Variants in QTMAN observed in about 807,000 individuals in gnomAD.
QTMAN encodes tRNA-queuosine alpha-mannosyltransferase.
the QTMAN span, among the ~76,000 whole-genome samples, chr2:144,191,673 C>A: frequency 1.3e-5 from 2 of 152,166 alleles, no homozygotes; most frequent in Non-Finnish European, 2.9e-5. Flanking sequence ...AAGACAAAGT[C>A]TCTGCCCTCA....
At chr2:144,074,224 A>T in the QTMAN span, among the ~76,000 whole-genome samples, 1 of 152,214 alleles carries the variant, frequency 6.6e-6, no homozygotes, top group Non-Finnish European at 1.5e-5. Flanking sequence ...AGCAGGGTTG[A>T]GAAGGAGGGG....
At chr2:144,274,341 C>T in the QTMAN span, among the ~76,000 whole-genome samples, 1 of 152,120 alleles carries the variant, frequency 6.6e-6, no homozygotes, top group African/African-American at 2.4e-5. Flanking sequence ...CTTGGAATTT[C>T]CTGTGTGATA....
chr2:143,974,874 T>C, the QTMAN span, among the ~76,000 whole-genome samples: 5 of 152,342 alleles, frequency 3.3e-5, no homozygotes, highest in Non-Finnish European at 5.9e-5. Flanking sequence ...TAATTCCTTC[T>C]TTCCTATAAT....
the QTMAN span, among the ~76,000 whole-genome samples, chr2:144,207,843 A>AATT: frequency 2.0e-4 from 30 of 151,494 alleles, no homozygotes; most frequent in African/African-American, 6.0e-4. Context: ...TTATTTTCTA[A>AATT]ATTATTATTA....
the QTMAN span, among the ~76,000 whole-genome samples, chr2:144,020,228 G>T: frequency 6.6e-6 from 1 of 152,164 alleles, no homozygotes; most frequent in Non-Finnish European, 1.5e-5. Flanking sequence ...ATGGACCTAG[G>T]TGAAGACAGG....
At chr2:144,053,151 A>C in the QTMAN span, among the ~76,000 whole-genome samples, 1 of 152,256 alleles carries the variant, frequency 6.6e-6, no homozygotes, top group Non-Finnish European at 1.5e-5. Flanking sequence ...TTTAAAAAGA[A>C]ATGAAATAAA....
the QTMAN span, among the ~76,000 whole-genome samples, chr2:144,169,621 G>A: frequency 2.6e-5 from 4 of 151,888 alleles, no homozygotes; most frequent in South Asian, 8.3e-4. Context: ...AAATATCTGT[G>A]TTCTTATACT....
At chr2:144,204,807 G>A in the QTMAN span, among the ~76,000 whole-genome samples, 1 of 152,112 alleles carries the variant, frequency 6.6e-6, no homozygotes, top group Non-Finnish European at 1.5e-5. Context: ...GGAATACTAT[G>A]CAGCCATAAA....
chr2:144,182,840 T>TTATATATATAATATATATATAA, the QTMAN span, among the ~76,000 whole-genome samples: 8 of 64,512 alleles, frequency 1.2e-4, no homozygotes, highest in South Asian at 3.6e-4. Flanking sequence ...TATATATATA[T>TTATATATATAATATATATATAA]TATATATATA....
the QTMAN span, among the ~76,000 whole-genome samples, chr2:144,199,432 T>C: frequency 5.3e-5 from 8 of 152,280 alleles, no homozygotes; most frequent in East Asian, 1.2e-3. Context: ...CATGAGTATA[T>C]AGTATACATA....
At chr2:144,177,055 T>C in the QTMAN span, 2 of 664,152 alleles carry the variant, frequency 3.0e-6, no homozygotes, top group Non-Finnish European at 5.4e-6. Flanking sequence ...ACAGCCAGAT[T>C]TCATAAGAAT....
At chr2:144,073,684 C>T in the QTMAN span, among the ~76,000 whole-genome samples, 1 of 152,148 alleles carries the variant, frequency 6.6e-6, no homozygotes, top group Admixed American at 6.5e-5. Context: ...AGCTAAATAA[C>T]GGTTCAAAAG....
the QTMAN span, among the ~76,000 whole-genome samples, chr2:143,987,736 AG>A: frequency 6.6e-6 from 1 of 152,226 alleles, no homozygotes; most frequent in African/African-American, 2.4e-5. Flanking sequence ...CGCTTAAGGT[AG>A]GGTTATTAAA....
the QTMAN span, among the ~76,000 whole-genome samples, chr2:144,200,501 ACAATAAC>A: frequency 6.6e-6 from 1 of 152,246 alleles, no homozygotes; most frequent in Non-Finnish European, 1.5e-5. Context: ...AAATACACGA[ACAATAAC>A]AATAGCTGAT....
the QTMAN span, among the ~76,000 whole-genome samples, chr2:143,995,516 C>G: frequency 6.6e-6 from 1 of 152,064 alleles, no homozygotes; most frequent in Admixed American, 6.6e-5. Context: ...ATCCTCAGAA[C>G]AATTCTGTAA....
the QTMAN span, among the ~76,000 whole-genome samples, chr2:144,054,700 C>T: frequency 1.3e-5 from 2 of 152,184 alleles, no homozygotes; most frequent in Non-Finnish European, 2.9e-5. Flanking sequence ...GGCCTGACTC[C>T]TGCCCACCAG....
At chr2:144,307,274 A>G in the QTMAN span, among the ~76,000 whole-genome samples, 1 of 150,084 alleles carries the variant, frequency 6.7e-6, no homozygotes, top group African/African-American at 2.4e-5. Context: ...CATGCAATAT[A>G]ATAAAAGCTT....
chr2:144,307,054 G>C, the QTMAN span, among the ~76,000 whole-genome samples: 1 of 151,206 alleles, frequency 6.6e-6, no homozygotes, highest in East Asian at 2.0e-4. Context: ...CCAGCTACTG[G>C]GGAGGCTGAG....
the QTMAN span, among the ~76,000 whole-genome samples, chr2:144,041,702 C>T: frequency 3.9e-5 from 6 of 152,152 alleles, no homozygotes; most frequent in African/African-American, 1.4e-4. Flanking sequence ...AAGTAAAAAA[C>T]ACAATCTCCA....
Sources: gnomAD v4.1 joint callset for allele counts (sites outside exome capture counted in the v4.1 genomes callset) on GRCh38, gnomAD v4.1.1 for gene constraint, MANE v1.5 for transcripts, NCBI Gene and HGNC (gene_info 2026-07-23, HGNC 2026-07-21) for gene names.